Variants in LRRC75A observed in about 807,000 individuals in gnomAD.
LRRC75A encodes leucine rich repeat containing 75A.
In LRRC75A, 12 loss-of-function variants were observed where a neutral mutation model predicts 26.0. That is an observed-to-expected ratio of 0.46 (90% CI 0.30 to 0.75). The LOEUF (loss-of-function observed/expected upper bound fraction) is 0.75, where lower values mean the gene tolerates loss of function less well. LRRC75A is among the 30% of genes least tolerant of loss of function. The probability of loss-of-function intolerance (pLI) is 0.08; values close to 1 mark genes in which losing one functional copy is unlikely to be tolerated. For synonymous variants in LRRC75A, 223 were observed against 219.3 expected (o/e 1.02, Z -0.15); for missense variants, 410 against 486.6 (o/e 0.84, Z 1.48).
chr17:16,452,383 A>G (rs1409170884), intron 2 of LRRC75A, among the ~76,000 whole-genome samples: 3 of 148,152 alleles, frequency 2.0e-5, no homozygotes, highest in Non-Finnish European at 4.5e-5. Context: ...ACAAAATAAC[A>G]CTGATGCCTG....
chr17:16,462,393 G>A lies in LRRC75A; in HGVS notation c.247-7C>T, dbSNP rs746004549. ...TCGACTCCATGCCCAGGTCCTGCAA[G>A]AGCAAAGGATGCCCAGAGGTCAGGG... On this transcript the variant is annotated splice_region_variant and splice_polypyrimidine_tract_variant and intron_variant, in intron 1 of 3. Transcript: ENST00000470794. The surrounding 1 kb of genome is among the most constrained non-coding windows in gnomAD (Gnocchi z 4.6). 1.2e-6 allele frequency: 2 copies of A among 1,613,726 alleles called. No individual in the cohort carries two copies. The highest frequency in any genetic ancestry group is 1.7e-6 in the Non-Finnish European group (2 of 1,180,004).
rs1568969387 is a variant in LRRC75A at position 16,462,573 on chromosome 17, G to A, written c.247-187C>T. On this transcript the variant is annotated intron_variant, in intron 1 of 3. Transcript: ENST00000470794. The surrounding 1 kb of genome is among the most constrained non-coding windows in gnomAD (Gnocchi z 4.6). ...TCCTGTTTGTCTTTGCCTCCAAGTT[G>A]AGGAAGAGCAGGGACTGGCCTCTGC... 6.6e-6 allele frequency among the ~76,000 whole-genome samples: 1 copy of A among 152,214 alleles called. No homozygotes were observed. The highest frequency in any genetic ancestry group is 1.5e-5 in the Non-Finnish European group (1 of 68,030).
chr17:16,472,166 A>C (rs889166015), intron 1 of LRRC75A, among the ~76,000 whole-genome samples: 2 of 152,140 alleles, frequency 1.3e-5, no homozygotes, highest in Non-Finnish European at 2.9e-5. Flanking sequence ...CTGCTGAGGC[A>C]GGATTTCTGG....
At chr17:16,465,975 G>A (rs1391473741) in intron 1 of LRRC75A, among the ~76,000 whole-genome samples, 1 of 152,232 alleles carries the variant, frequency 6.6e-6, no homozygotes, top group Non-Finnish European at 1.5e-5. Context: ...GCTCCCCAAG[G>A]TCCCAGGGCT....
intron 1 of LRRC75A, among the ~76,000 whole-genome samples, chr17:16,482,347 G>A (rs1253431900): frequency 6.6e-6 from 1 of 152,126 alleles, no homozygotes; most frequent in African/African-American, 2.4e-5. Flanking sequence ...CAGCGGCTAT[G>A]GGGTGGGAAT....
chr17:16,453,306 A>G lies in LRRC75A; in HGVS notation c.376-5346T>C, dbSNP rs369642459. Among the ~76,000 whole-genome samples, 264 of 70,648 alleles carry G rather than the reference A, an allele frequency of 3.7e-3. 1 individual carries two copies. Among genetic ancestry groups the G allele is most frequent in the African/African-American group, 8.6e-3 (238 of 27,598 alleles). 46.3% of individuals were successfully genotyped at this position (70,648 alleles called of 152,430 possible). On this transcript the variant is annotated intron_variant, in intron 2 of 3. Transcript: ENST00000470794. ...TGGTGTGGGACTCCTAAACACACACACACACGCACACACGCACACACGCAC... is the reference window on the plus strand; with the variant it reads ...TGGTGTGGGACTCCTAAACACACACGCACACGCACACACGCACACACGCAC...
rs78461895 is a variant in LRRC75A, at chr17:16,466,224, G to A, written c.247-3838C>T. Among the ~76,000 whole-genome samples the A allele has an allele frequency of 9.7e-3, 1,471 of 152,304 alleles. 23 individuals carry two copies. The highest frequency in any genetic ancestry group is 0.033 in the African/African-American group (1,376 of 41,562). ...CTGCTGGGACTACCCACAGGGCTGG[G>A]TGTGAGGGAGGAGAGGTCACCAGAT... is the stretch of plus-strand genomic sequence containing the variant. On this transcript the variant is annotated intron_variant, in intron 1 of 3. Coordinates refer to ENST00000470794, the MANE Select transcript of LRRC75A (RefSeq NM_001113567.3).
At chr17:16,472,259 TGGCATC>T (rs1267040733) in intron 1 of LRRC75A, among the ~76,000 whole-genome samples, 1 of 151,658 alleles carries the variant, frequency 6.6e-6, no homozygotes, top group East Asian at 1.9e-4. Context: ...TGCAGCATCC[TGGCATC>T]CAAGGAGGTG....
Position 16,443,758 on chromosome 17 carries a change from A to G in LRRC75A, c.865T>C (p.Ser289Pro), listed in dbSNP as rs1277428874. 4 of 1,613,360 alleles carry G rather than the reference A, an allele frequency of 2.5e-6. No individual in the cohort carries two copies. In the African/African-American group the frequency reaches 5.3e-5, roughly 22 times the overall value. ...GTGGGTAGGTGGCCCTGCTTTGGGG[A>G]GCGCTTGCGCAGGCTGAGCAGGAAG... is the stretch of plus-strand genomic sequence containing the variant. ...QPFLLSLRKR[S>P]PKQGHLPTIL... is the part of the protein sequence containing the mutation. Residue 289 changes from serine (S) to proline (P), a missense_variant, in exon 4 of 4, where the codon TCC becomes CCC. By Grantham distance (74) the Ser-to-Pro change is moderately conservative. Coordinates refer to ENST00000470794, the MANE Select transcript of LRRC75A (RefSeq NM_001113567.3).
chr17:16,454,253 A>G (rs1034956778), intron 2 of LRRC75A, among the ~76,000 whole-genome samples: 3 of 152,146 alleles, frequency 2.0e-5, no homozygotes, highest in Admixed American at 6.6e-5. Context: ...TTAGCTAGGC[A>G]TGGTGGCGGG....
chr17:16,476,706 C>T (rs1274391803), intron 1 of LRRC75A, among the ~76,000 whole-genome samples: 1 of 147,890 alleles, frequency 6.8e-6, no homozygotes, highest in African/African-American at 2.5e-5. Context: ...GCTGAGATTA[C>T]AGGTGCCCGT....
chr17:16,485,681 T>TGTGTTC (rs1555893698), intron 1 of LRRC75A, among the ~76,000 whole-genome samples: 2,611 of 134,996 alleles, frequency 0.019, 41 homozygotes, highest in Middle Eastern at 0.036. Context: ...CGTGTGTGTG[T>TGTGTTC]GTGTGTGTGT....
rs917574681 is a variant in LRRC75A, at chr17:16,491,682, C to T, written c.246+63G>A. ...GGCTTCCTCGGTTAGGGATGGGGCGCCCCCCCCGGCCCAGCACGCCCCCTG... is the reference window on the plus strand; with the variant it reads ...GGCTTCCTCGGTTAGGGATGGGGCGTCCCCCCCGGCCCAGCACGCCCCCTG... On this transcript the variant is annotated intron_variant, in intron 1 of 3. Transcript: ENST00000470794. The surrounding 1 kb of genome is among the most constrained non-coding windows in gnomAD (Gnocchi z 5.9). 2.1e-4 allele frequency: 230 copies of T among 1,080,970 alleles called. No individual in the cohort carries two copies. The highest frequency in any genetic ancestry group is 2.6e-4 in the Non-Finnish European group (219 of 852,210). 67.0% of individuals were successfully genotyped at this position (1,080,970 alleles called of 1,614,324 possible).
intron 1 of LRRC75A, among the ~76,000 whole-genome samples, chr17:16,482,084 C>T (rs551767625): frequency 2.6e-5 from 4 of 152,240 alleles, no homozygotes; most frequent in Non-Finnish European, 5.9e-5. Context: ...TACCTGCCCC[C>T]GGTGCCAATG....
In LRRC75A at chr17:16,457,305, G is replaced by A. The variant is rs2093693087; in HGVS notation, c.375+4953C>T. Among the ~76,000 whole-genome samples, 6 of 152,172 alleles carry A rather than the reference G, an allele frequency of 3.9e-5. 1 individual carries two copies. In the South Asian group the frequency reaches 1.2e-3, roughly 32 times the overall value. On this transcript the variant is annotated intron_variant, in intron 2 of 3. Transcript: ENST00000470794. ...ACACCATTCCAGATGCAGAGACTGT[G>A]TGCCGGCTTTTCTGTTTCCTCTTGC...
At position 16,442,865 on chromosome 17, in the gene LRRC75A, TG is replaced by T. The variant is rs1186183698; in HGVS notation, c.*722del. 1 of 152,140 alleles carries T rather than the reference TG, an allele frequency of 6.6e-6. No homozygotes were observed. The highest frequency in any genetic ancestry group is 1.5e-5 in the Non-Finnish European group (1 of 68,014). The allele number at this position is 152,140 out of a possible 1,614,324, so 9.4% of individuals were successfully genotyped here. On this transcript the variant is annotated 3_prime_UTR_variant, in exon 4 of 4. Coordinates refer to ENST00000470794, the MANE Select transcript of LRRC75A (RefSeq NM_001113567.3). ...TTCAGCCAGCAGTGGGTAGGGAAGG[TG>T]GATAGGGGATTTCTGAACAGGACTT... is the stretch of plus-strand genomic sequence containing the variant.
intron 2 of LRRC75A, among the ~76,000 whole-genome samples, chr17:16,456,206 G>C (rs62076296): frequency 1.7e-5 from 1 of 58,468 alleles, no homozygotes; most frequent in African/African-American, 7.1e-5. Flanking sequence ...AGGAGGAAGA[G>C]GAGGAGGAAG....
rs1157546471 is a variant in LRRC75A, at chr17:16,443,566, G to A, written c.*22C>T. The A allele has an allele frequency of 1.3e-6, 2 of 1,493,110 alleles. No homozygotes were observed. The highest frequency in any genetic ancestry group is 1.8e-6 in the Non-Finnish European group (2 of 1,112,858). The allele number at this position is 1,493,110 out of a possible 1,614,324, so 92.5% of individuals were successfully genotyped here. ...CCATTCTACCCAACAAGGACTCCCT[G>A]GTGAGGCCCTTCACTTCCATGTCAC... On this transcript the variant is annotated 3_prime_UTR_variant, in exon 4 of 4. Transcript: ENST00000470794.
intron 1 of LRRC75A, among the ~76,000 whole-genome samples, chr17:16,477,640 G>A (rs900252218): frequency 1.6e-4 from 24 of 152,326 alleles, no homozygotes; most frequent in African/African-American, 5.3e-4. Context: ...GCCCAGGAAG[G>A]GAGCCACAGA....
Sources: gnomAD v4.1 joint callset for allele counts (sites outside exome capture counted in the v4.1 genomes callset) on GRCh38, gnomAD v4.1.1 for gene constraint, Gnocchi (gnomAD v3.1) non-coding constraint, MANE v1.5 for transcripts, NCBI Gene and HGNC (gene_info 2026-07-23, HGNC 2026-07-21) for gene names.